SUPT20H: variants seen among roughly 807,000 people sequenced by gnomAD.
The protein encoded by SUPT20H is transcription factor SPT20 homolog.
A neutral mutation model predicts 122.8 loss-of-function variants in SUPT20H; 82 were observed. The observed-to-expected ratio is 0.67, with a 90% CI of 0.56 to 0.80. The LOEUF is 0.80. SUPT20H is among the 30% of genes least tolerant of loss of function. The probability of loss-of-function intolerance (pLI) is 0.00; values close to 1 mark genes in which losing one functional copy is unlikely to be tolerated. For synonymous variants in SUPT20H, 291 were observed against 313.0 expected (o/e 0.93, Z 0.74); for missense variants, 831 against 921.6 (o/e 0.90, Z 1.27).
chr13:37,023,363 T>C (rs2061677351), intron 19 of SUPT20H, among the ~76,000 whole-genome samples: 1 of 152,150 alleles, frequency 6.6e-6, no homozygotes. Context: ...TTTCCCCAAA[T>C]TGGTACTTTC....
At chr13:37,044,213 C>T (rs17054829) in intron 6 of SUPT20H, 32 bp from the exon 7 acceptor site, 38,447 of 1,543,394 alleles carry the variant, frequency 0.025, 800 homozygotes, top group African/African-American at 0.11. Context: ...TGAAAATGAT[C>T]ATGCTCACTG....
intron 14 of SUPT20H, among the ~76,000 whole-genome samples, chr13:37,027,089 G>A (rs1326268867): frequency 1.3e-5 from 2 of 151,950 alleles, no homozygotes; most frequent in Non-Finnish European, 2.9e-5. Flanking sequence ...AATGTATGTT[G>A]TCTTTAAGTG....
chr13:37,049,261 A>C (rs1342153261), intron 2 of SUPT20H, among the ~76,000 whole-genome samples: 1 of 152,184 alleles, frequency 6.6e-6, no homozygotes, highest in Non-Finnish European at 1.5e-5. Flanking sequence ...TATAAAAGAA[A>C]ATGAACCTCA....
intron 20 of SUPT20H, 112 bp from the exon 21 acceptor site, chr13:37,021,714 T>C: frequency 8.2e-7 from 1 of 1,218,074 alleles, no homozygotes; most frequent in Non-Finnish European, 1.1e-6. Context: ...TAGTTATTTA[T>C]CTGTCTTAAA....
intron 1 of SUPT20H, among the ~76,000 whole-genome samples, chr13:37,055,267 C>T (rs1005227139): frequency 6.6e-6 from 1 of 151,930 alleles, no homozygotes; most frequent in African/African-American, 2.4e-5. Context: ...GAAAAAACTA[C>T]TTTAAAGTTC....
At chr13:37,010,697 T>G (rs762511294) in intron 24 of SUPT20H, 42 bp from the exon 25 acceptor site, 4 of 1,498,236 alleles carry the variant, frequency 2.7e-6, no homozygotes, top group Non-Finnish European at 3.7e-6. Context: ...TCAAAAAGTT[T>G]GAAGGCTACC....
chr13:37,054,715 G>A (rs2139393418), intron 1 of SUPT20H, among the ~76,000 whole-genome samples: 1 of 152,318 alleles, frequency 6.6e-6, no homozygotes, highest in Middle Eastern at 3.4e-3. Context: ...ACAAGACAGG[G>A]ATGACCTCTC....
intron 3 of SUPT20H, among the ~76,000 whole-genome samples, chr13:37,048,199 T>C (rs2139041861): frequency 6.6e-6 from 1 of 152,288 alleles, no homozygotes; most frequent in East Asian, 1.9e-4. Flanking sequence ...TCAGAAATAT[T>C]ATCAATATAT....
In SUPT20H at chr13:37,031,859, C is replaced by T; in HGVS notation, c.744G>A (p.Arg248=). 6.2e-7 allele frequency: 1 copy of T among 1,603,146 alleles called. No homozygotes were observed. The highest frequency in any genetic ancestry group is 8.5e-7 in the Non-Finnish European group (1 of 1,176,700). Residue 248 remains arginine (R), a synonymous_variant, in exon 11 of 26, where the codon CGG becomes CGA. Transcript: ENST00000350612. ...FKRYSRSSLN[R]QQDLSHCPPP... is the part of the protein sequence containing the mutation. ...GTGGACAATGAGATAGATCTTGCTG[C>T]CGATTCAGAGAGGATCTGGAATACC... is the stretch of plus-strand genomic sequence containing the variant.
chr13:37,009,353 T>C lies in SUPT20H; in HGVS notation c.*319A>G. 1.0e-6 allele frequency: 1 copy of C among 994,138 alleles called. No individual in the cohort carries two copies. Among genetic ancestry groups the C allele is most frequent in the South Asian group, 1.4e-5 (1 of 71,856 alleles). 61.6% of individuals were successfully genotyped at this position (994,138 alleles called of 1,614,324 possible). A position where few individuals can be genotyped will look rare whatever the true frequency, so the allele number is the denominator to read the frequency against. On this transcript the variant is annotated 3_prime_UTR_variant, in exon 26 of 26. Coordinates refer to ENST00000350612, the MANE Select transcript of SUPT20H (RefSeq NM_001014286.3). ...GTAAAAATTGTATTTGTTAACACTG[T>C]GCACAAACGTTTTATACTAAATAAA...
intron 6 of SUPT20H, 89 bp downstream of exon 6, chr13:37,045,158 C>CTTTA: frequency 6.4e-7 from 1 of 1,556,500 alleles, no homozygotes; most frequent in African/African-American, 1.4e-5. Context: ...AGGACAAATG[C>CTTTA]TTTAGCAGGT....
chr13:37,015,721 T>C (rs1593870873), intron 23 of SUPT20H, among the ~76,000 whole-genome samples: 1 of 152,126 alleles, frequency 6.6e-6, no homozygotes, highest in African/African-American at 2.4e-5. Flanking sequence ...AAAGAGATAA[T>C]TGTACACTCA....
intron 7 of SUPT20H, among the ~76,000 whole-genome samples, chr13:37,043,682 T>G (rs1378044133): frequency 6.6e-6 from 1 of 152,062 alleles, no homozygotes; most frequent in Non-Finnish European, 1.5e-5. Context: ...GGTCTTGCTC[T>G]ATCACCCACG....
At chr13:37,033,758 A>G (rs1194615240) in intron 9 of SUPT20H, among the ~76,000 whole-genome samples, 170 bp from the exon 10 acceptor site, 1 of 152,248 alleles carries the variant, frequency 6.6e-6, no homozygotes, top group Non-Finnish European at 1.5e-5. Context: ...GAAACCAGAC[A>G]GCATAAAGAA....
intron 14 of SUPT20H, among the ~76,000 whole-genome samples, chr13:37,027,700 T>A (rs1170999109): frequency 6.6e-6 from 1 of 152,200 alleles, no homozygotes; most frequent in African/African-American, 2.4e-5. Context: ...ATCATCTATA[T>A]TTTTATGTAT....
chr13:37,009,327 T>C lies in SUPT20H; in HGVS notation c.*345A>G. 1 of 1,286,166 alleles carries C rather than the reference T, an allele frequency of 7.8e-7. No homozygotes were observed. The highest frequency in any genetic ancestry group is 2.3e-5 in the East Asian group (1 of 43,102). 79.7% of individuals were successfully genotyped at this position (1,286,166 alleles called of 1,614,324 possible). On this transcript the variant is annotated 3_prime_UTR_variant, in exon 26 of 26. Transcript: ENST00000350612. ...AGCCACCACATTTTCAAAACAGATT[T>C]GTAAAAATTGTATTTGTTAACACTG... is the stretch of plus-strand genomic sequence containing the variant.
At chr13:37,012,048 A>G (rs571263083) in intron 24 of SUPT20H, 144 bp downstream of exon 24, 6 of 597,584 alleles carry the variant, frequency 1.0e-5, no homozygotes, top group Middle Eastern at 4.2e-4. Flanking sequence ...CCATCAATCA[A>G]TTTAATAGTT....
At chr13:37,034,135 G>C (rs2138221729) in intron 9 of SUPT20H, among the ~76,000 whole-genome samples, 1 of 151,840 alleles carries the variant, frequency 6.6e-6, no homozygotes, top group East Asian at 1.9e-4. Flanking sequence ...ATTTAAATTA[G>C]GCAAAAAATG....
At position 37,044,081 on chromosome 13, in the gene SUPT20H, A is replaced by C; in HGVS notation, c.393T>G (p.Ser131=). 1 of 1,607,900 alleles carries C rather than the reference A, an allele frequency of 6.2e-7. No individual in the cohort carries two copies. The highest frequency in any genetic ancestry group is 1.1e-5 in the South Asian group (1 of 89,824). ...PPILVDLLEK[S]QVNIFHCGCV... Reference sequence around the variant, plus strand: ...TTTAAAGACAAAAATTTTGTACCTGAGATTTTTCTAGGAGATCAACCAAAA... The same window carrying C: ...TTTAAAGACAAAAATTTTGTACCTGCGATTTTTCTAGGAGATCAACCAAAA... The change falls in exon 7 of 26, where the codon TCT becomes TCG. Residue 131 remains serine, a synonymous_variant. Coordinates refer to ENST00000350612, the MANE Select transcript of SUPT20H (RefSeq NM_001014286.3).
Sources: gnomAD v4.1 joint callset for allele counts (sites outside exome capture counted in the v4.1 genomes callset) on GRCh38, gnomAD v4.1.1 for gene constraint, MANE v1.5 for transcripts, NCBI Gene and HGNC (gene_info 2026-07-23, HGNC 2026-07-21) for gene names.